RSPO2: variants seen among roughly 807,000 people sequenced by gnomAD.
RSPO2 encodes the protein R-spondin 2, also known as R-spondin-2.
Under a neutral mutation model 30.9 loss-of-function variants are expected in RSPO2, and 14 were observed. The observed-to-expected ratio is 0.45, with a 90% CI of 0.30 to 0.71. The LOEUF is 0.71. Ranked by LOEUF, RSPO2 falls within the 30% of genes least tolerant of loss-of-function variation. The probability of loss-of-function intolerance (pLI) is 0.08; values close to 1 mark genes in which losing one functional copy is unlikely to be tolerated. For missense variants in RSPO2, 264 were observed against 301.9 expected (o/e 0.87, Z 0.93); for synonymous variants, 107 against 96.4 (o/e 1.11, Z -0.64).
intron 2 of RSPO2, among the ~76,000 whole-genome samples, chr8:108,000,115 G>C (rs756782335): frequency 2.6e-5 from 4 of 152,170 alleles, no homozygotes; most frequent in Non-Finnish European, 5.9e-5. Flanking sequence ...GATGAACTGA[G>C]GTATGGTTGC....
intron 2 of RSPO2, among the ~76,000 whole-genome samples, chr8:108,024,100 G>A (rs866303565): frequency 6.6e-6 from 1 of 150,998 alleles, no homozygotes; most frequent in African/African-American, 2.4e-5. Context: ...TGTTGCAAAG[G>A]TATTCAAAAG....
chr8:108,020,389 A>T (rs1409415459), intron 2 of RSPO2, among the ~76,000 whole-genome samples: 1 of 152,156 alleles, frequency 6.6e-6, no homozygotes, highest in Non-Finnish European at 1.5e-5. Context: ...GGATTTCTTT[A>T]AAAAATTAAA....
chr8:107,959,743 G>T (rs1813556452), intron 4 of RSPO2, among the ~76,000 whole-genome samples: 1 of 152,134 alleles, frequency 6.6e-6, no homozygotes, highest in South Asian at 2.1e-4. Context: ...TAATAGTGGT[G>T]CCTATAAAAT....
At chr8:108,059,242 A>G (rs1252748555) in intron 2 of RSPO2, among the ~76,000 whole-genome samples, 1 of 151,918 alleles carries the variant, frequency 6.6e-6, no homozygotes, top group Non-Finnish European at 1.5e-5. Flanking sequence ...AAAAAAAAAC[A>G]TGAAAAAAAT....
At chr8:108,067,302 T>C (rs1468636220) in intron 2 of RSPO2, among the ~76,000 whole-genome samples, 1 of 152,188 alleles carries the variant, frequency 6.6e-6, no homozygotes, top group East Asian at 1.9e-4. Context: ...TAAGAGGTGC[T>C]ATCAAGAAAT....
At chr8:107,981,021 TCC>T (rs909695748) in intron 3 of RSPO2, among the ~76,000 whole-genome samples, 4 of 152,208 alleles carry the variant, frequency 2.6e-5, no homozygotes, top group African/African-American at 9.7e-5. Context: ...TTCTCAGTAA[TCC>T]CAAACATACT....
intron 2 of RSPO2, among the ~76,000 whole-genome samples, chr8:107,999,300 A>C (rs2130552125): frequency 6.6e-6 from 1 of 152,290 alleles, no homozygotes; most frequent in South Asian, 2.1e-4. Context: ...AACATTTGTA[A>C]GCCCCTCAAA....
intron 2 of RSPO2, among the ~76,000 whole-genome samples, chr8:108,004,627 T>C (rs769186668): frequency 4.6e-5 from 7 of 152,244 alleles, no homozygotes; most frequent in Non-Finnish European, 7.3e-5. Context: ...CATGGAAAAC[T>C]GTAAATGGTA....
chr8:107,987,904 A>C (rs1358626095), intron 3 of RSPO2, among the ~76,000 whole-genome samples: 1 of 152,160 alleles, frequency 6.6e-6, no homozygotes, highest in Non-Finnish European at 1.5e-5. Context: ...ATGAGATTTA[A>C]TTATCTCATA....
At chr8:108,065,658 A>AT (rs1022898205) in intron 2 of RSPO2, among the ~76,000 whole-genome samples, 34 of 130,710 alleles carry the variant, frequency 2.6e-4, no homozygotes, top group South Asian at 4.9e-4. Context: ...AGCAGAAGGA[A>AT]TAAAAAAAAA....
At chr8:107,903,317 AAT>A (rs1811537249) in intron 5 of RSPO2, among the ~76,000 whole-genome samples, 1 of 152,098 alleles carries the variant, frequency 6.6e-6, no homozygotes, top group Non-Finnish European at 1.5e-5. Context: ...TATGTTAAAG[AAT>A]ATATGTTAAA....
chr8:107,976,811 A>G (rs1275352532), intron 3 of RSPO2, among the ~76,000 whole-genome samples: 1 of 152,168 alleles, frequency 6.6e-6, no homozygotes, highest in African/African-American at 2.4e-5. Context: ...CCTTTCTTTT[A>G]AACTATTGCA....
chr8:107,958,505 G>A (rs558782546), intron 4 of RSPO2, among the ~76,000 whole-genome samples: 1 of 152,244 alleles, frequency 6.6e-6, no homozygotes, highest in African/African-American at 2.4e-5. Context: ...TCTTAGTTCA[G>A]TTTTTGAAGG....
At chr8:107,927,241 G>T (rs1022233683) in intron 5 of RSPO2, among the ~76,000 whole-genome samples, 1 of 152,150 alleles carries the variant, frequency 6.6e-6, no homozygotes, top group African/African-American at 2.4e-5. Flanking sequence ...TTTGTACATT[G>T]ATTTTGTATC....
intron 3 of RSPO2, among the ~76,000 whole-genome samples, chr8:107,981,750 C>T (rs141672830): frequency 1.8e-4 from 28 of 152,194 alleles, no homozygotes; most frequent in African/African-American, 6.7e-4. Flanking sequence ...ATCTCAACTA[C>T]TTGCGAGGCT....
intron 3 of RSPO2, among the ~76,000 whole-genome samples, chr8:107,985,479 G>T (rs773214857): frequency 1.3e-5 from 2 of 152,100 alleles, no homozygotes; most frequent in African/African-American, 4.8e-5. Context: ...ATGAAAATAT[G>T]TTCATAATTC....
chr8:107,932,218 GTA>G (rs961175659), intron 5 of RSPO2, among the ~76,000 whole-genome samples: 49 of 152,282 alleles, frequency 3.2e-4, no homozygotes, highest in African/African-American at 1.2e-3. Flanking sequence ...AGAGGAAAGA[GTA>G]GAGCTGGGTT....
At chr8:107,978,561 T>C (rs1345389523) in intron 3 of RSPO2, among the ~76,000 whole-genome samples, 1 of 152,114 alleles carries the variant, frequency 6.6e-6, no homozygotes, top group African/African-American at 2.4e-5. Flanking sequence ...ATGTTAGACC[T>C]AAAACCATAA....
chr8:108,061,211 T>A (rs201360863), intron 2 of RSPO2, among the ~76,000 whole-genome samples: 1 of 151,606 alleles, frequency 6.6e-6, no homozygotes, highest in Non-Finnish European at 1.5e-5. Flanking sequence ...AAATGGGCTA[T>A]ATGCTCCAAT....
Sources: allele counts gnomAD v4.1 joint callset (sites outside exome capture counted in the v4.1 genomes callset), GRCh38; gene constraint gnomAD v4.1.1; transcripts MANE v1.5; gene names NCBI Gene and HGNC (gene_info 2026-07-23, HGNC 2026-07-21).